The following ENTR1 variants were observed in gnomAD, a reference collection of about 807,000 sequenced individuals.
ENTR1 encodes endosome associated trafficking regulator 1.
A neutral mutation model predicts 47.9 loss-of-function variants in ENTR1; 47 were observed. That is an observed-to-expected ratio of 0.98 (90% CI 0.78 to 1.25). The LOEUF is 1.25. ENTR1 is among the 50% of genes most tolerant of loss of function. The pLI is 0.00. For missense variants in ENTR1, 668 were observed against 570.5 expected (o/e 1.17, Z -1.74); for synonymous variants, 290 against 245.8 (o/e 1.18, Z -1.68).
At chr9:136,407,113 C>T in intron 5 of ENTR1, 32 bp downstream of exon 5, 1 of 1,554,116 alleles carries the variant, frequency 6.4e-7, no homozygotes. Context: ...CGGACAGGCG[C>T]TGTGCCAGAG....
chr9:136,407,218 C>A lies in ENTR1; in HGVS notation c.746G>T (p.Ser249Ile). 6.2e-7 allele frequency: 1 copy of A among 1,613,188 alleles called. No homozygotes were observed. Among genetic ancestry groups the A allele is most frequent in the Non-Finnish European group, 8.5e-7 (1 of 1,179,980 alleles). The change falls in exon 5 of 10, where the codon AGC (serine) becomes ATC (isoleucine). Residue 249 changes from serine (S) to isoleucine (I), a missense_variant. By Grantham distance (142) the Ser-to-Ile change is moderately radical. Transcript: ENST00000357365. ...VSPASPAGSPSADFAVHGESL... is the reference protein window; with the variant it reads ...VSPASPAGSPIADFAVHGESL... ...CTCTCCATGAACCGCAAAGTCTGCG[C>A]TAGGACTCCCTGCCGGAGAGGCCGG...
chr9:136,403,924 G>A (rs533774878), intron 9 of ENTR1, 131 bp downstream of exon 9: 26 of 1,094,184 alleles, frequency 2.4e-5, no homozygotes, highest in South Asian at 1.6e-4. Flanking sequence ...CTGAGCACGC[G>A]TCCCTCCCTG....
chr9:136,407,580 AAAAAAC>A lies in ENTR1; in HGVS notation c.403-25_403-20del, dbSNP rs1834840422. On this transcript the variant is annotated intron_variant, in intron 4 of 9. Coordinates refer to ENST00000357365, the MANE Select transcript of ENTR1 (RefSeq NM_001039707.2). Reference sequence around the variant, plus strand: ...AGGCTTCCTAAAAAAAAAAAAAAAAAAAAAACAATGGAGGCCATGCTTCTGACTCGG... The same window carrying A: ...AGGCTTCCTAAAAAAAAAAAAAAAAAAATGGAGGCCATGCTTCTGACTCGG... 5.8e-6 allele frequency: 9 copies of A among 1,541,006 alleles called. No homozygotes were observed. Among genetic ancestry groups the A allele is most frequent in the Non-Finnish European group, 4.4e-6 (5 of 1,147,924 alleles).
intron 6 of ENTR1, among the ~76,000 whole-genome samples, 162 bp downstream of exon 6, chr9:136,405,743 A>G (rs1564407553): frequency 6.6e-6 from 1 of 152,240 alleles, no homozygotes; most frequent in African/African-American, 2.4e-5. Flanking sequence ...CTGTCTCAAA[A>G]TAAACTTTTA....
At chr9:136,406,244 C>T (rs542674842) in intron 5 of ENTR1, among the ~76,000 whole-genome samples, 2 of 152,040 alleles carry the variant, frequency 1.3e-5, no homozygotes, top group South Asian at 2.1e-4. Flanking sequence ...CCGAGGTGGG[C>T]GGATCACAAG....
In ENTR1 at chr9:136,404,618, T is replaced by C. The variant is rs369679854; in HGVS notation, c.1068+13A>G. 2 of 1,613,274 alleles carry C rather than the reference T, an allele frequency of 1.2e-6. No homozygotes were observed. Among genetic ancestry groups the C allele is most frequent in the African/African-American group, 1.3e-5 (1 of 74,926 alleles). The stretch of plus-strand genomic sequence containing the variant: ...AATCAAAGAAAAACACTGAAGTCCC[T>C]TCCTTTAATTACCTGGAGCAAACTG... On this transcript the variant is annotated intron_variant, in intron 8 of 9. Transcript: ENST00000357365.
chr9:136,403,288 A>AC (rs1333863834), intron 9 of ENTR1, among the ~76,000 whole-genome samples: 4 of 119,732 alleles, frequency 3.3e-5, no homozygotes, highest in African/African-American at 6.5e-5. Context: ...GGAGAAACAG[A>AC]AGGGGTCCCA....
Position 136,407,131 on chromosome 9 carries a change from T to A in ENTR1, c.819+14A>T, listed in dbSNP as rs3087886. On this transcript the variant is annotated intron_variant, in intron 5 of 9. Coordinates refer to ENST00000357365, the MANE Select transcript of ENTR1 (RefSeq NM_001039707.2). ...ACAGGCGCTGTGCCAGAGGGCGCCG[T>A]GAGGCTCACTTACTGCGTCGTAACT... 3 of 1,573,482 alleles carry A rather than the reference T, an allele frequency of 1.9e-6. No homozygotes were observed.
At chr9:136,408,392 C>T (rs755138119) in intron 3 of ENTR1, among the ~76,000 whole-genome samples, 1 of 152,172 alleles carries the variant, frequency 6.6e-6, no homozygotes, top group East Asian at 1.9e-4. Flanking sequence ...TCCTGGCTAA[C>T]ACGGTGAAAC....
At position 136,407,303 on chromosome 9, in the gene ENTR1, G is replaced by A. The variant is rs1834814734; in HGVS notation, c.661C>T (p.Leu221=). The A allele has an allele frequency of 6.2e-7, 1 of 1,612,010 alleles. No homozygotes were observed. The highest frequency in any genetic ancestry group is 8.5e-7 in the Non-Finnish European group (1 of 1,179,700). ...YLSFFSTPSE[L]AGPESLPSWA... ...GAGGGCAGAGACTCAGGCCCTGCCA[G>A]CTCCGACGGGGTGGAGAAAAAGGAA... Residue 221 remains leucine, a synonymous_variant, in exon 5 of 10, where the codon CTG becomes TTG. Coordinates refer to ENST00000357365, the MANE Select transcript of ENTR1 (RefSeq NM_001039707.2).
chr9:136,407,098 C>A lies in ENTR1; in HGVS notation c.819+47G>T, dbSNP rs554400277. The A allele has an allele frequency of 6.1e-5, 93 of 1,524,632 alleles. No individual in the cohort carries two copies. The East Asian group carries it at 1.1e-3, about 18-fold the overall frequency. 94.4% of individuals were successfully genotyped at this position (1,524,632 alleles called of 1,614,324 possible). ...GGCTCCAGGTTCTCCCCGGGAGAAGCCGCTCGGACAGGCGCTGTGCCAGAG... is the reference window on the plus strand; with the variant it reads ...GGCTCCAGGTTCTCCCCGGGAGAAGACGCTCGGACAGGCGCTGTGCCAGAG... On this transcript the variant is annotated intron_variant, in intron 5 of 9. Coordinates refer to ENST00000357365, the MANE Select transcript of ENTR1 (RefSeq NM_001039707.2).
At chr9:136,408,492 G>A (rs981428613) in intron 3 of ENTR1, among the ~76,000 whole-genome samples, 1 of 151,954 alleles carries the variant, frequency 6.6e-6, no homozygotes, top group East Asian at 1.9e-4. Context: ...GCAGGAGAAT[G>A]GCGTGAACCT....
At chr9:136,405,604 C>G (rs1335957754) in intron 6 of ENTR1, among the ~76,000 whole-genome samples, 1 of 152,138 alleles carries the variant, frequency 6.6e-6, no homozygotes, top group Non-Finnish European at 1.5e-5. Context: ...TAGCCAGGTG[C>G]AGTGGCAAAC....
At chr9:136,405,289 C>T (rs572425253) in intron 6 of ENTR1, 87 bp from the exon 7 acceptor site, 25 of 1,041,008 alleles carry the variant, frequency 2.4e-5, no homozygotes, top group Admixed American at 1.1e-4. Flanking sequence ...AGATAAAACC[C>T]GCTAAGAGCC....
chr9:136,407,563 T>TAAAAAAAA lies in ENTR1; in HGVS notation c.403-10_403-3dup. ...TCCCAGGGAATGCCTCGAGGCTTCC[T>TAAAAAAAA]AAAAAAAAAAAAAAAAAAAAAACAA... On this transcript the variant is annotated splice_polypyrimidine_tract_variant and splice_region_variant and intron_variant, in intron 4 of 9. Transcript: ENST00000357365. The TAAAAAAAA allele has an allele frequency of 7.6e-7, 1 of 1,319,396 alleles. No individual in the cohort carries two copies. The highest frequency in any genetic ancestry group is 1.7e-5 in the South Asian group (1 of 59,628). The allele number at this position is 1,319,396 out of a possible 1,614,324, so 81.7% of individuals were successfully genotyped here. A position where few individuals can be genotyped will look rare whatever the true frequency, so the allele number is the denominator to read the frequency against.
At chr9:136,404,969 C>T (rs1834692577) in intron 7 of ENTR1, 122 bp downstream of exon 7, 1 of 798,892 alleles carries the variant, frequency 1.3e-6, no homozygotes, top group Non-Finnish European at 2.1e-6. Flanking sequence ...GAACACCAGT[C>T]CCAGAGAGCC....
intron 6 of ENTR1, 111 bp from the exon 7 acceptor site, chr9:136,405,313 G>T: frequency 1.2e-6 from 1 of 834,350 alleles, no homozygotes; most frequent in Non-Finnish European, 2.0e-6. Context: ...GATGGAATGG[G>T]TCTCAGGCAC....
chr9:136,404,695 T>C lies in ENTR1; in HGVS notation c.1006-2A>G, dbSNP rs1301121924. On this transcript the variant is annotated splice_acceptor_variant, in intron 7 of 9. Transcript: ENST00000357365. LOFTEE classifies it high-confidence loss of function. ...GTTTTCTGCCTTTACAGCCCGTTTC[T>C]GTTACCCAAAAAAGAAAAACCACAA... 2.5e-6 allele frequency: 4 copies of C among 1,614,082 alleles called. 1 individual carries two copies. In the South Asian group the frequency reaches 4.4e-5, roughly 18 times the overall value.
At chr9:136,404,982 A>G (rs1834693235) in intron 7 of ENTR1, 109 bp downstream of exon 7, 4 of 869,398 alleles carry the variant, frequency 4.6e-6, no homozygotes, top group East Asian at 4.9e-5. Flanking sequence ...AGAGAGCCAC[A>G]TGGCCCCGCT....
Sources: gnomAD v4.1 joint callset for allele counts (sites outside exome capture counted in the v4.1 genomes callset) on GRCh38, gnomAD v4.1.1 for gene constraint, MANE v1.5 for transcripts, NCBI Gene and HGNC (gene_info 2026-07-23, HGNC 2026-07-21) for gene names.